The following NCAM2 variants were observed in gnomAD, a reference collection of about 807,000 sequenced individuals.
NCAM2 encodes neural cell adhesion molecule 2.
In NCAM2, 30 loss-of-function variants were observed where a neutral mutation model predicts 98.1. The ratio of observed to expected loss-of-function variants is 0.31; its 90% CI spans 0.23 to 0.41. NCAM2 has a LOEUF of 0.41. Ranked by LOEUF, NCAM2 falls within the 10% of genes least tolerant of loss-of-function variation. The pLI, the probability that NCAM2 is intolerant of heterozygous loss-of-function variation, is 1.00. For synonymous variants in NCAM2, 368 were observed against 342.4 expected (o/e 1.07, Z -0.83); for missense variants, 867 against 1,005.8 (o/e 0.86, Z 1.87).
intron 10 of NCAM2, among the ~76,000 whole-genome samples, chr21:21,414,933 C>T (rs997085699): frequency 7.0e-6 from 1 of 141,994 alleles, no homozygotes; most frequent in Non-Finnish European, 1.5e-5. Context: ...ATGAGCACGA[C>T]TAGTTTGAAG....
chr21:21,412,506 G>C (rs185950395), intron 10 of NCAM2, among the ~76,000 whole-genome samples: 1 of 151,448 alleles, frequency 6.6e-6, no homozygotes. Flanking sequence ...ACATTTTTTA[G>C]TTCCTCAGCC....
intron 1 of NCAM2, among the ~76,000 whole-genome samples, chr21:21,249,189 T>C (rs996662101): frequency 6.6e-6 from 1 of 152,194 alleles, no homozygotes; most frequent in African/African-American, 2.4e-5. Context: ...CTCAGTTACA[T>C]ATTCCAGTCT....
At chr21:21,245,117 C>T (rs764362793) in intron 1 of NCAM2, among the ~76,000 whole-genome samples, 3 of 152,068 alleles carry the variant, frequency 2.0e-5, no homozygotes, top group Non-Finnish European at 4.4e-5. Flanking sequence ...ATGTGGCGGC[C>T]GTACCATTCA....
At chr21:21,303,965 T>A (rs939801053) in intron 5 of NCAM2, among the ~76,000 whole-genome samples, 1 of 152,156 alleles carries the variant, frequency 6.6e-6, no homozygotes, top group Non-Finnish European at 1.5e-5. Context: ...ACTGGGCTGT[T>A]TTCTTATTAT....
rs76988550 is a variant in NCAM2 at position 21,055,818 on chromosome 21, C to T, written c.55+57200C>T. 6.7e-3 allele frequency among the ~76,000 whole-genome samples: 1,020 copies of T among 152,098 alleles called. 4 individuals are homozygous for T. The highest frequency in any genetic ancestry group is 0.011 in the Non-Finnish European group (769 of 67,922). On this transcript the variant is annotated intron_variant, in intron 1 of 17. Transcript: ENST00000400546. ...AAATCAGTAATAATCGAGCCTAACT[C>T]GTAGATTTGATGTGTGAAGTGAAAG...
intron 1 of NCAM2, among the ~76,000 whole-genome samples, chr21:21,204,932 T>G (rs1957823831): frequency 6.6e-6 from 1 of 152,112 alleles, no homozygotes; most frequent in Non-Finnish European, 1.5e-5. Flanking sequence ...ACTCTTTGCC[T>G]CCTTTGTGTA....
chr21:21,313,286 C>A (rs1368800029), intron 5 of NCAM2, among the ~76,000 whole-genome samples: 2 of 151,604 alleles, frequency 1.3e-5, no homozygotes, highest in Non-Finnish European at 3.0e-5. Flanking sequence ...TCTTGTTTAT[C>A]TAGTTTATTA....
In NCAM2 at chr21:21,036,560, A is replaced by C. The variant is rs532838653; in HGVS notation, c.55+37942A>C. On this transcript the variant is annotated intron_variant, in intron 1 of 17. Transcript: ENST00000400546. ...TATGGGCACAGAAGTCATATGAAAT[A>C]TGAAAACTCAAAGAAGGACCAGATG... Among the ~76,000 whole-genome samples the C allele has an allele frequency of 2.6e-5, 4 of 152,378 alleles. No homozygotes were observed. The East Asian group carries it at 7.7e-4, about 29-fold the overall frequency.
At chr21:21,002,223 T>C (rs528801520) in intron 1 of NCAM2, among the ~76,000 whole-genome samples, 32 of 152,262 alleles carry the variant, frequency 2.1e-4, no homozygotes, top group Admixed American at 6.5e-4. Flanking sequence ...ATTTTCTCAC[T>C]TTTAATGCAG....
At chr21:21,312,958 G>A (rs2074103859) in intron 5 of NCAM2, among the ~76,000 whole-genome samples, 1 of 151,486 alleles carries the variant, frequency 6.6e-6, no homozygotes. Flanking sequence ...TAACTTTGTG[G>A]TTTCTGATTT....
intron 8 of NCAM2, among the ~76,000 whole-genome samples, chr21:21,348,740 A>G (rs1376776174): frequency 6.6e-6 from 1 of 152,170 alleles, no homozygotes; most frequent in Non-Finnish European, 1.5e-5. Flanking sequence ...ACACAGATAC[A>G]TAGACCCATG....
At chr21:21,123,265 C>T (rs530445348) in intron 1 of NCAM2, among the ~76,000 whole-genome samples, 172 of 151,874 alleles carry the variant, frequency 1.1e-3, no homozygotes, top group South Asian at 1.5e-3. Context: ...CGTGGTGGCA[C>T]GCACCTGAGT....
At chr21:21,476,887 G>A (rs2826857) in intron 14 of NCAM2, among the ~76,000 whole-genome samples, 2 of 151,434 alleles carry the variant, frequency 1.3e-5, no homozygotes, top group African/African-American at 4.8e-5. Context: ...TTTAACAATA[G>A]TCCCTGGCAA....
chr21:21,259,603 C>T (rs1349519955), intron 1 of NCAM2, among the ~76,000 whole-genome samples: 1 of 152,218 alleles, frequency 6.6e-6, no homozygotes, highest in African/African-American at 2.4e-5. Flanking sequence ...GCCCAAAATT[C>T]ACCACCAAAT....
intron 1 of NCAM2, among the ~76,000 whole-genome samples, chr21:21,030,919 T>A (rs2064668584): frequency 6.6e-6 from 1 of 151,490 alleles, no homozygotes; most frequent in East Asian, 1.9e-4. Flanking sequence ...TAATTCTAAC[T>A]GATAAATATT....
chr21:21,117,325 T>C (rs1434749652), intron 1 of NCAM2, among the ~76,000 whole-genome samples: 2 of 150,420 alleles, frequency 1.3e-5, no homozygotes, highest in Non-Finnish European at 3.0e-5. Context: ...GTATATTCAT[T>C]GTGGAAAACT....
At chr21:21,531,242 T>A in intron 16 of NCAM2, among the ~76,000 whole-genome samples, 1 of 152,216 alleles carries the variant, frequency 6.6e-6, no homozygotes, top group Non-Finnish European at 1.5e-5. Context: ...AAGTTTATAT[T>A]TTTATCTGCA....
rs1373951601 is a variant in NCAM2 at position 21,540,412 on chromosome 21, G to A, written c.*2455G>A. ...TTCAAGTGCACTGTTTCAGTTGCCC[G>A]GGTGGTCCTTACCTCTTGTCCTTGA... On this transcript the variant is annotated 3_prime_UTR_variant, in exon 18 of 18. Transcript: ENST00000400546. 6.6e-6 allele frequency: 1 copy of A among 151,628 alleles called. No homozygotes were observed. The highest frequency in any genetic ancestry group is 2.4e-5 in the African/African-American group (1 of 41,290). The allele number at this position is 151,628 out of a possible 1,614,324, so 9.4% of individuals were successfully genotyped here.
chr21:21,284,141 A>G, intron 2 of NCAM2, 53 bp from the exon 3 acceptor site: 1 of 1,431,396 alleles, frequency 7.0e-7, no homozygotes, highest in South Asian at 1.2e-5. Context: ...GCCAATGTTC[A>G]AACAAATATT....
Sources: gnomAD v4.1 joint callset for allele counts (sites outside exome capture counted in the v4.1 genomes callset) on GRCh38, gnomAD v4.1.1 for gene constraint, MANE v1.5 for transcripts, NCBI Gene and HGNC (gene_info 2026-07-23, HGNC 2026-07-21) for gene names.